The following TAFA2 variants were observed in gnomAD, a reference collection of about 807,000 sequenced individuals.
TAFA2 encodes the protein TAFA chemokine like family member 2.
In TAFA2, 7 loss-of-function variants were observed where a neutral mutation model predicts 18.8. The ratio of observed to expected loss-of-function variants is 0.37; its 90% CI spans 0.21 to 0.70. TAFA2 has a LOEUF of 0.70. Ranked by LOEUF, TAFA2 falls within the 30% of genes least tolerant of loss-of-function variation. TAFA2 has a pLI of 0.53. For missense variants in TAFA2, 122 were observed against 158.1 expected (o/e 0.77, Z 1.23); for synonymous variants, 60 against 54.2 (o/e 1.11, Z -0.47).
intron 2 of TAFA2, among the ~76,000 whole-genome samples, chr12:61,792,505 C>G (rs1238925297): frequency 6.6e-6 from 1 of 150,960 alleles, no homozygotes; most frequent in Non-Finnish European, 1.5e-5. Context: ...TCATTGTGCC[C>G]CATAAGTACA....
intron 2 of TAFA2, among the ~76,000 whole-genome samples, chr12:61,772,081 C>T (rs150851586): frequency 2.2e-3 from 335 of 151,748 alleles, no homozygotes; most frequent in African/African-American, 7.2e-3. Context: ...CAAAAGATCA[C>T]TTAAGGATAC....
At chr12:62,005,224 T>A (rs933410931) in intron 1 of TAFA2, among the ~76,000 whole-genome samples, 11 of 152,114 alleles carry the variant, frequency 7.2e-5, no homozygotes, top group Admixed American at 2.6e-4. Flanking sequence ...GACGGCAGTG[T>A]TTATTTGCTT....
At chr12:62,059,298 C>T (rs9669776) in intron 1 of TAFA2, among the ~76,000 whole-genome samples, 3,575 of 151,716 alleles carry the variant, frequency 0.024, 138 homozygotes, top group African/African-American at 0.081. Context: ...TCCTGGGCGA[C>T]AGAAGGATAC....
chr12:61,790,036 T>C (rs1441615975), intron 2 of TAFA2, among the ~76,000 whole-genome samples: 2 of 151,808 alleles, frequency 1.3e-5, no homozygotes, highest in African/African-American at 4.8e-5. Context: ...ATATGATTCA[T>C]TCCAGTGAAG....
At position 62,215,762 on chromosome 12, in the gene TAFA2, A is replaced by G. The variant is rs192961203; in HGVS notation, c.-130+43001T>C. ...CTTGTTTCTCAAAAAAAAAAAAAAA[A>G]AGAGATATGACACTTGCAAGTTACA... On this transcript the variant is annotated intron_variant, in intron 1 of 5. Coordinates refer to the TAFA2 transcript ENST00000551619. Among the ~76,000 whole-genome samples, 333 of 151,088 alleles carry G rather than the reference A, an allele frequency of 2.2e-3. 4 individuals are homozygous for G. Among genetic ancestry groups the G allele is most frequent in the African/African-American group, 3.9e-3 (161 of 41,306 alleles).
intron 1 of TAFA2, among the ~76,000 whole-genome samples, chr12:61,902,680 T>C (rs1045161562): frequency 6.6e-6 from 1 of 152,162 alleles, no homozygotes; most frequent in African/African-American, 2.4e-5. Flanking sequence ...ATGTCTTTAA[T>C]ACAACCTCTT....
Position 61,710,100 on chromosome 12 carries a change from T to C in TAFA2, c.*306A>G. On this transcript the variant is annotated 3_prime_UTR_variant, in exon 5 of 5. Coordinates refer to ENST00000416284, the MANE Select transcript of TAFA2 (RefSeq NM_178539.5). ...GAGCCAATAACTCAAAAGGTGACTG[T>C]CTCTAACATCACCCTGAAAAAAACA... 2 of 382,984 alleles carry C rather than the reference T, an allele frequency of 5.2e-6. No homozygotes were observed. Among genetic ancestry groups the C allele is most frequent in the East Asian group, 4.5e-5 (1 of 22,138 alleles). The allele number at this position is 382,984 out of a possible 1,614,324, so 23.7% of individuals were successfully genotyped here. A position where few individuals can be genotyped will look rare whatever the true frequency, so the allele number is the denominator to read the frequency against.
intron 4 of TAFA2, among the ~76,000 whole-genome samples, chr12:61,731,723 T>C (rs1265256810): frequency 6.6e-6 from 1 of 152,112 alleles, no homozygotes; most frequent in Non-Finnish European, 1.5e-5. Flanking sequence ...TTACTAATTA[T>C]CATTATCCCC....
intron 2 of TAFA2, among the ~76,000 whole-genome samples, chr12:61,861,190 G>T (rs376567956): frequency 2.9e-4 from 44 of 151,162 alleles, no homozygotes; most frequent in African/African-American, 1.1e-3. Flanking sequence ...GGCCTTAAGT[G>T]ATCCACCGGC....
intron 1 of TAFA2, among the ~76,000 whole-genome samples, chr12:61,991,787 C>A (rs529567423): frequency 4.7e-4 from 72 of 152,312 alleles, no homozygotes; most frequent in African/African-American, 1.7e-3. Context: ...CTGCTAGTCT[C>A]GCTAAAACAG....
upstream of TAFA2, among the ~76,000 whole-genome samples, chr12:62,197,215 C>G (rs1395043600): frequency 6.6e-6 from 1 of 152,182 alleles, no homozygotes; most frequent in African/African-American, 2.4e-5. Flanking sequence ...TGAAACCGGT[C>G]CCTGGTGCTG....
intron 1 of TAFA2, among the ~76,000 whole-genome samples, chr12:62,046,065 G>T (rs1233362092): frequency 6.6e-6 from 1 of 152,110 alleles, no homozygotes; most frequent in Non-Finnish European, 1.5e-5. Flanking sequence ...GCCCCAGATA[G>T]ATAGGGATAC....
chr12:61,930,145 TTAA>T (rs886976868), intron 1 of TAFA2, among the ~76,000 whole-genome samples: 2 of 151,730 alleles, frequency 1.3e-5, no homozygotes, highest in African/African-American at 2.4e-5. Flanking sequence ...CCCTAGAACT[TTAA>T]TAATAATAAA....
chr12:61,843,034 G>A (rs1358607341), intron 2 of TAFA2, among the ~76,000 whole-genome samples: 1 of 152,040 alleles, frequency 6.6e-6, no homozygotes, highest in Non-Finnish European at 1.5e-5. Flanking sequence ...GGGAAGTTGA[G>A]ATGAATCACC....
chr12:61,883,905 C>T (rs1439236720), intron 1 of TAFA2, among the ~76,000 whole-genome samples: 1 of 152,156 alleles, frequency 6.6e-6, no homozygotes, highest in Admixed American at 6.5e-5. Context: ...TTTCTGAATA[C>T]CAGTTACTCC....
intron 1 of TAFA2, among the ~76,000 whole-genome samples, chr12:62,240,739 G>A (rs371875201): frequency 4.6e-5 from 7 of 152,096 alleles, no homozygotes; most frequent in African/African-American, 1.4e-4. Context: ...GCCACGGACC[G>A]GTAGCAGTCC....
intron 1 of TAFA2, among the ~76,000 whole-genome samples, chr12:62,062,402 G>A (rs1020519765): frequency 6.6e-6 from 1 of 152,112 alleles, no homozygotes; most frequent in Non-Finnish European, 1.5e-5. Context: ...GTTTCATTGC[G>A]ACCTGACAAG....
At chr12:62,090,429 A>G (rs1868660004) in intron 1 of TAFA2, among the ~76,000 whole-genome samples, 1 of 152,092 alleles carries the variant, frequency 6.6e-6, no homozygotes, top group Admixed American at 6.6e-5. Context: ...CTTTAGAAAA[A>G]TAGGAGCATT....
intron 1 of TAFA2, among the ~76,000 whole-genome samples, chr12:62,165,976 C>T (rs562751153): frequency 1.3e-4 from 19 of 149,784 alleles, no homozygotes; most frequent in East Asian, 3.9e-4. Context: ...CACACACAGA[C>T]GCAAACATTA....
Sources: gnomAD v4.1 joint callset for allele counts (sites outside exome capture counted in the v4.1 genomes callset) on GRCh38, gnomAD v4.1.1 for gene constraint, MANE v1.5 for transcripts, NCBI Gene and HGNC (gene_info 2026-07-23, HGNC 2026-07-21) for gene names.